Variants in B4GALNT3 observed in about 807,000 individuals in gnomAD.
The protein encoded by B4GALNT3 is beta-1,4-N-acetylgalactosaminyltransferase 3.
A neutral mutation model predicts 120.2 loss-of-function variants in B4GALNT3; 86 were observed. The ratio of observed to expected loss-of-function variants is 0.72; its 90% CI spans 0.60 to 0.86. B4GALNT3 has a LOEUF of 0.86. B4GALNT3 is among the 40% of genes least tolerant of loss of function. The pLI, the probability that B4GALNT3 is intolerant of heterozygous loss-of-function variation, is 0.00. For missense variants in B4GALNT3, 1,167 were observed against 1,298.9 expected, an observed-to-expected ratio of 0.90 and a Z score of 1.56; for synonymous variants, 518 against 510.4, an observed-to-expected ratio of 1.01 and a Z score of -0.20.
At chr12:537,537 A>G (rs1195460490) in intron 3 of B4GALNT3, among the ~76,000 whole-genome samples, 1 of 152,198 alleles carries the variant, frequency 6.6e-6, no homozygotes, top group Admixed American at 6.5e-5. Flanking sequence ...GATTACAGGC[A>G]TGAACCACCA....
At chr12:482,572 T>C (rs1946251969) in intron 1 of B4GALNT3, among the ~76,000 whole-genome samples, 1 of 152,118 alleles carries the variant, frequency 6.6e-6, no homozygotes, top group Non-Finnish European at 1.5e-5. Context: ...ATGAAAAAAG[T>C]TGTGGGGATT....
rs1236087081 is a variant in B4GALNT3, at chr12:530,478, A to G, written c.170-4688A>G. Among the ~76,000 whole-genome samples, 4 of 152,212 alleles carry G rather than the reference A, an allele frequency of 2.6e-5. No individual in the cohort carries two copies. In the East Asian group the frequency reaches 7.7e-4, roughly 29 times the overall value. On this transcript the variant is annotated intron_variant, in intron 1 of 19. Coordinates refer to ENST00000266383, the MANE Select transcript of B4GALNT3 (RefSeq NM_173593.4). ...AGAGACTTCCTTTCTCTTGGGTATG[A>G]ATCACACCAGGCGTCAGGAGAAATA...
chr12:555,125 C>T (rs1293897270), intron 14 of B4GALNT3, among the ~76,000 whole-genome samples: 4 of 150,858 alleles, frequency 2.7e-5, no homozygotes, highest in Non-Finnish European at 5.9e-5. Flanking sequence ...TTGTAGTGAG[C>T]AGAGGTCGCA....
chr12:545,698 GGAGTGAGGAA>G (rs1565608131), intron 6 of B4GALNT3, among the ~76,000 whole-genome samples: 20 of 142,046 alleles, frequency 1.4e-4, no homozygotes, highest in East Asian at 8.5e-4. Context: ...GGTGTGGGGA[GGAGTGAGGAA>G]TGGGGAGGAG....
chr12:464,148 C>T (rs911136997), intron 1 of B4GALNT3, among the ~76,000 whole-genome samples: 1 of 152,194 alleles, frequency 6.6e-6, no homozygotes, highest in Non-Finnish European at 1.5e-5. Flanking sequence ...AGCCACTGTA[C>T]TAACACATGC....
At chr12:546,296 A>T (rs1379185779) in intron 6 of B4GALNT3, among the ~76,000 whole-genome samples, 1 of 144,358 alleles carries the variant, frequency 6.9e-6, no homozygotes, top group Non-Finnish European at 1.5e-5. Context: ...GAGAGTGCGG[A>T]CAGGGAGGAG....
chr12:542,124 C>T (rs1237220722), intron 3 of B4GALNT3, among the ~76,000 whole-genome samples: 1 of 152,184 alleles, frequency 6.6e-6, no homozygotes, highest in Non-Finnish European at 1.5e-5. Context: ...TCCAGTCTCC[C>T]ACTTCTGTTT....
Position 548,995 on chromosome 12 carries a change from G to C in B4GALNT3, c.853+698G>C, listed in dbSNP as rs1444288190. Among the ~76,000 whole-genome samples, 2 of 152,190 alleles carry C rather than the reference G, an allele frequency of 1.3e-5. No homozygotes were observed. The highest frequency in any genetic ancestry group is 2.4e-5 in the African/African-American group (1 of 41,446). ...TAACCACGGTTCTTGCAAAGCCATG[G>C]CCAGGGCAGAGGAAACCTGTTCACC... On this transcript the variant is annotated intron_variant, in intron 9 of 19. Coordinates refer to ENST00000266383, the MANE Select transcript of B4GALNT3 (RefSeq NM_173593.4). The surrounding 1 kb of genome is among the most constrained non-coding windows in gnomAD (Gnocchi z 4.9).
Position 535,190 on chromosome 12 carries a change from C to T in B4GALNT3, c.194C>T (p.Ala65Val), listed in dbSNP as rs1946846112. 6.2e-7 allele frequency: 1 copy of T among 1,613,662 alleles called. No homozygotes were observed. Among genetic ancestry groups the T allele is most frequent in the Non-Finnish European group, 8.5e-7 (1 of 1,179,880 alleles). The change falls in exon 2 of 20, where the codon GCC (alanine) becomes GTC (valine). Residue 65 changes from alanine to valine, a missense_variant. This residue lies in a region of B4GALNT3 where 171 missense variants were observed against 161.3 expected (regional missense o/e 1.06). Transcript: ENST00000266383. Reference sequence around the variant, plus strand: ...GGGTACGGCAGCTGGAGAGAACTGGCCAAGGCTCTGGCCAGCAGGAACATT... The same window carrying T: ...GGGTACGGCAGCTGGAGAGAACTGGTCAAGGCTCTGGCCAGCAGGAACATT... Reference protein sequence around the residue: ...NRRYGSWRELAKALASRNIPA... With the variant: ...NRRYGSWRELVKALASRNIPA...
intron 1 of B4GALNT3, among the ~76,000 whole-genome samples, chr12:521,464 T>C (rs138566742): frequency 4.5e-4 from 69 of 152,266 alleles, no homozygotes; most frequent in Non-Finnish European, 8.5e-4. Context: ...TTTGATTCTG[T>C]GAGCTACTCT....
intron 15 of B4GALNT3, among the ~76,000 whole-genome samples, chr12:557,248 C>T (rs913044424): frequency 1.3e-5 from 2 of 152,074 alleles, no homozygotes; most frequent in Non-Finnish European, 2.9e-5. Context: ...AGAAGTGTAA[C>T]AACAGAGGTA....
chr12:512,047 A>G (rs1946578190), intron 1 of B4GALNT3, among the ~76,000 whole-genome samples: 1 of 100,012 alleles, frequency 1.0e-5, no homozygotes, highest in South Asian at 3.3e-4. Context: ...TCTGCCTTCC[A>G]CCTTCGACCT....
intron 1 of B4GALNT3, among the ~76,000 whole-genome samples, chr12:476,017 C>G (rs1485183867): frequency 6.6e-6 from 1 of 152,222 alleles, no homozygotes; most frequent in Non-Finnish European, 1.5e-5. Flanking sequence ...AGGCCATCTG[C>G]TGCTGTCTTT....
At chr12:468,561 G>A (rs887872328) in intron 1 of B4GALNT3, among the ~76,000 whole-genome samples, 1 of 152,136 alleles carries the variant, frequency 6.6e-6, no homozygotes, top group Non-Finnish European at 1.5e-5. Context: ...GAACAGCCGA[G>A]AGACTGGCCA....
chr12:470,376 C>T (rs1289726979), intron 1 of B4GALNT3, among the ~76,000 whole-genome samples: 1 of 152,248 alleles, frequency 6.6e-6, no homozygotes, highest in Non-Finnish European at 1.5e-5. Context: ...GCCTGCCAAG[C>T]CCAGGTTCAA....
intron 6 of B4GALNT3, among the ~76,000 whole-genome samples, chr12:546,235 T>G (rs1437130294): frequency 4.3e-3 from 49 of 11,332 alleles, no homozygotes; most frequent in Admixed American, 8.7e-3. Flanking sequence ...AGGAGGGGAG[T>G]GGGGAGGTGG....
chr12:486,265 A>G (rs974268465), intron 1 of B4GALNT3, among the ~76,000 whole-genome samples: 2 of 136,808 alleles, frequency 1.5e-5, no homozygotes, highest in Non-Finnish European at 3.0e-5. Flanking sequence ...GCTAGAGTGC[A>G]GTGGCGTGAT....
Position 546,155 on chromosome 12 carries a change from AG to A in B4GALNT3, c.640-485del, listed in dbSNP as rs1309914748. Among the ~76,000 whole-genome samples the A allele has an allele frequency of 7.0e-3, 844 of 121,238 alleles. 10 individuals carry two copies. The highest frequency in any genetic ancestry group is 0.021 in the African/African-American group (648 of 31,024). The allele number at this position is 121,238 out of a possible 152,430, so 79.5% of individuals were successfully genotyped here. On this transcript the variant is annotated intron_variant, in intron 6 of 19. Coordinates refer to ENST00000266383, the MANE Select transcript of B4GALNT3 (RefSeq NM_173593.4). ...GAAGGAGTCGGGAAGAGGGAAGAGG[AG>A]GGGGGAATGAGAAAGAGGGAGCAGT...
At chr12:527,129 T>G (rs529470599) in intron 1 of B4GALNT3, among the ~76,000 whole-genome samples, 3 of 152,156 alleles carry the variant, frequency 2.0e-5, no homozygotes, top group Non-Finnish European at 2.9e-5. Flanking sequence ...GGTTTCACCA[T>G]GTTGTCCAGG....
Sources: allele counts gnomAD v4.1 joint callset (sites outside exome capture counted in the v4.1 genomes callset), GRCh38; gene constraint gnomAD v4.1.1; regional missense constraint gnomAD v4.1.1; non-coding constraint Gnocchi (gnomAD v3.1); transcripts MANE v1.5; gene names NCBI Gene and HGNC (gene_info 2026-07-23, HGNC 2026-07-21).